The following SBF2 variants were observed in gnomAD, a reference collection of about 807,000 sequenced individuals.
The protein encoded by SBF2 is SET binding factor 2, also known as myotubularin-related protein 13.
SBF2 carries 112 observed loss-of-function variants against 225.2 expected under a neutral mutation model. That is an observed-to-expected ratio of 0.50 (90% CI 0.43 to 0.58). SBF2 has a LOEUF of 0.58. Ranked by LOEUF, SBF2 falls within the 20% of genes least tolerant of loss-of-function variation. The probability of loss-of-function intolerance (pLI) is 0.00; values close to 1 mark genes in which losing one functional copy is unlikely to be tolerated. For missense variants in SBF2, 1,996 were observed against 2,206.2 expected, an observed-to-expected ratio of 0.90 and a Z score of 1.91; for synonymous variants, 763 against 773.3, an observed-to-expected ratio of 0.99 and a Z score of 0.22.
intron 1 of SBF2, among the ~76,000 whole-genome samples, chr11:10,235,418 T>C (rs1247642592): frequency 6.6e-6 from 1 of 151,216 alleles, no homozygotes; most frequent in Non-Finnish European, 1.5e-5. Context: ...TCCTAGCTAC[T>C]GAAGAGGCTG....
intron 2 of SBF2, among the ~76,000 whole-genome samples, chr11:10,056,557 T>A (rs11042602): frequency 0.37 from 56,124 of 152,090 alleles, 11,635 homozygotes; most frequent in Non-Finnish European, 0.46. Flanking sequence ...GTTGTTGGTG[T>A]ATAGGAATCC....
intron 2 of SBF2, among the ~76,000 whole-genome samples, chr11:10,189,302 T>A (rs1348573405): frequency 6.6e-6 from 1 of 152,180 alleles, no homozygotes; most frequent in Non-Finnish European, 1.5e-5. Context: ...GAACCCTGAT[T>A]CTGTCATCTC....
chr11:9,861,209 T>C (rs190515749), intron 17 of SBF2, among the ~76,000 whole-genome samples: 63 of 152,308 alleles, frequency 4.1e-4, no homozygotes, highest in African/African-American at 1.3e-3. Flanking sequence ...TTGAATTTTC[T>C]TTCTTCTTTT....
intron 13 of SBF2, among the ~76,000 whole-genome samples, chr11:9,984,957 A>T (rs528381006): frequency 6.6e-6 from 1 of 152,334 alleles, no homozygotes; most frequent in Non-Finnish European, 1.5e-5. Context: ...CAAATCCTGG[A>T]AACATATCAA....
chr11:10,014,505 T>TAAAAAAAAAAAAA (rs1181315538), intron 6 of SBF2, among the ~76,000 whole-genome samples: 1 of 70,806 alleles, frequency 1.4e-5, no homozygotes, highest in Non-Finnish European at 2.5e-5. Flanking sequence ...CCATTTCAAC[T>TAAAAAAAAAAAAA]AAAAAAAAAA....
At chr11:10,154,042 T>C (rs1291412450) in intron 2 of SBF2, among the ~76,000 whole-genome samples, 1 of 152,112 alleles carries the variant, frequency 6.6e-6, no homozygotes, top group Non-Finnish European at 1.5e-5. Context: ...GTTTATCGTC[T>C]ATCTTGTCTA....
intron 14 of SBF2, among the ~76,000 whole-genome samples, chr11:9,965,607 T>A (rs1259287851): frequency 2.0e-5 from 3 of 152,148 alleles, no homozygotes; most frequent in Non-Finnish European, 2.9e-5. Flanking sequence ...TTAATAAAAC[T>A]AATTATATGC....
At chr11:10,163,017 T>C (rs1301001729) in intron 2 of SBF2, among the ~76,000 whole-genome samples, 3 of 152,104 alleles carry the variant, frequency 2.0e-5, no homozygotes, top group African/African-American at 7.2e-5. Flanking sequence ...AGGGAATGTA[T>C]GAGGGTCGAA....
intron 16 of SBF2, among the ~76,000 whole-genome samples, chr11:9,951,655 C>T (rs1369712452): frequency 6.6e-6 from 1 of 152,194 alleles, no homozygotes; most frequent in Non-Finnish European, 1.5e-5. Flanking sequence ...TTCCAGAGGG[C>T]AACCATGATT....
chr11:9,825,709 A>C (rs1855023533), intron 28 of SBF2, among the ~76,000 whole-genome samples: 2 of 152,270 alleles, frequency 1.3e-5, no homozygotes, highest in Admixed American at 1.3e-4. Context: ...ATGGAGTATC[A>C]ATGGACTATT....
intron 2 of SBF2, among the ~76,000 whole-genome samples, chr11:10,182,906 T>C (rs1312186022): frequency 6.6e-6 from 1 of 152,074 alleles, no homozygotes; most frequent in Non-Finnish European, 1.5e-5. Flanking sequence ...CCCGAGTAGC[T>C]GGGACTATAG....
intron 1 of SBF2, among the ~76,000 whole-genome samples, chr11:10,264,632 C>T (rs1325187055): frequency 1.3e-5 from 2 of 152,062 alleles, no homozygotes; most frequent in South Asian, 2.1e-4. Flanking sequence ...ATGTGCAGAA[C>T]GTGCAGTTTT....
chr11:9,783,763 C>T (rs1482804359), intron 38 of SBF2, among the ~76,000 whole-genome samples: 1 of 152,212 alleles, frequency 6.6e-6, no homozygotes, highest in Admixed American at 6.5e-5. Context: ...TGGGTGGGCA[C>T]ATCCCCTTCT....
intron 2 of SBF2, among the ~76,000 whole-genome samples, chr11:10,051,459 T>C (rs372985852): frequency 5.9e-5 from 9 of 152,092 alleles, no homozygotes; most frequent in East Asian, 1.9e-4. Context: ...TCAAATCCAA[T>C]AGACTTCTTC....
chr11:10,151,502 A>G (rs1483275447), intron 2 of SBF2, among the ~76,000 whole-genome samples: 1 of 152,228 alleles, frequency 6.6e-6, no homozygotes, highest in African/African-American at 2.4e-5. Flanking sequence ...ATAATTCCTT[A>G]TAGATCGCAA....
chr11:10,282,657 C>G (rs1963493451), intron 1 of SBF2, among the ~76,000 whole-genome samples: 1 of 152,190 alleles, frequency 6.6e-6, no homozygotes. Flanking sequence ...TCTGAACTTT[C>G]AAATTTCTCT....
chr11:9,798,456 C>T (rs1293497512), intron 32 of SBF2, among the ~76,000 whole-genome samples: 3 of 152,112 alleles, frequency 2.0e-5, no homozygotes, highest in Non-Finnish European at 4.4e-5. Flanking sequence ...GGTTCCCTAC[C>T]ATCTGAATCC....
chr11:10,101,187 G>A (rs572195638), intron 2 of SBF2, among the ~76,000 whole-genome samples: 3 of 152,160 alleles, frequency 2.0e-5, no homozygotes, highest in South Asian at 2.1e-4. Context: ...GGCCTGACTC[G>A]GGGAGACTAT....
At position 9,780,189 on chromosome 11, in the gene SBF2, G is replaced by C. The variant is rs1011822385; in HGVS notation, c.*229C>G. 7 of 548,542 alleles carry C rather than the reference G, an allele frequency of 1.3e-5. No individual in the cohort carries two copies. Among genetic ancestry groups the C allele is most frequent in the Non-Finnish European group, 2.0e-5 (6 of 302,006 alleles). 34.0% of individuals were successfully genotyped at this position (548,542 alleles called of 1,614,324 possible). On this transcript the variant is annotated 3_prime_UTR_variant, in exon 40 of 40. Transcript: ENST00000256190. ...ATCATTAACCACTAAGACCCTGTTA[G>C]AAAAATTTAGTGCAAGATACAGGGA... is the stretch of plus-strand genomic sequence containing the variant.
Sources: allele counts gnomAD v4.1 joint callset (sites outside exome capture counted in the v4.1 genomes callset), GRCh38; gene constraint gnomAD v4.1.1; transcripts MANE v1.5; gene names NCBI Gene and HGNC (gene_info 2026-07-23, HGNC 2026-07-21).